RGS7: variants seen among roughly 807,000 people sequenced by gnomAD.
The protein encoded by RGS7 is regulator of G protein signaling 7.
A neutral mutation model predicts 81.1 loss-of-function variants in RGS7; 27 were observed. The ratio of observed to expected loss-of-function variants is 0.33; its 90% confidence interval spans 0.25 to 0.46. The LOEUF is 0.46. Among genes scored for constraint, RGS7 ranks in the 20% least tolerant of loss-of-function variants. The pLI is 1.00. For synonymous variants in RGS7, 208 were observed against 207.7 expected, an observed-to-expected ratio of 1.00 and a Z score of -0.01; for missense variants, 396 against 607.4, an observed-to-expected ratio of 0.65 and a Z score of 3.66.
intron 4 of RGS7, among the ~76,000 whole-genome samples, chr1:240,941,003 A>G (rs1239675997): frequency 2.6e-5 from 4 of 152,170 alleles, no homozygotes; most frequent in African/African-American, 7.2e-5. Context: ...TTTGAGGTAC[A>G]ATATTTTCAT....
At chr1:241,168,614 T>G (rs1239505351) in intron 2 of RGS7, among the ~76,000 whole-genome samples, 2 of 152,122 alleles carry the variant, frequency 1.3e-5, no homozygotes, top group Non-Finnish European at 2.9e-5. Context: ...TTGGGGGATT[T>G]TGCAGATTTT....
chr1:240,878,489 C>CTTTTTTTTTTTTTTTTTTTTTTTTTTT (rs57896753), intron 6 of RGS7, among the ~76,000 whole-genome samples: 4 of 117,570 alleles, frequency 3.4e-5, no homozygotes, highest in East Asian at 2.5e-4. Flanking sequence ...TTTTTTCTTT[C>CTTTTTTTTTTTTTTTTTTTTTTTTTTT]TTTTTTTTTT....
At chr1:241,301,410 T>C (rs1386612483) in intron 2 of RGS7, among the ~76,000 whole-genome samples, 1 of 152,228 alleles carries the variant, frequency 6.6e-6, no homozygotes, top group Non-Finnish European at 1.5e-5. Context: ...CAGTGTTTGC[T>C]TGAAAGTCCA....
chr1:241,292,008 A>G (rs1573532517), intron 2 of RGS7, among the ~76,000 whole-genome samples: 2 of 152,120 alleles, frequency 1.3e-5, no homozygotes, highest in Non-Finnish European at 2.9e-5. Flanking sequence ...CTTAAAAACT[A>G]AGAGACAGAT....
rs1486369467 is a variant in RGS7, at chr1:240,872,626, G to A, written c.386-2507C>T. 1.8e-4 allele frequency among the ~76,000 whole-genome samples: 28 copies of A among 152,122 alleles called. 2 individuals are homozygous for A. Among genetic ancestry groups the A allele is most frequent in the Admixed American group, 1.5e-3 (23 of 15,270 alleles). On this transcript the variant is annotated intron_variant, in intron 6 of 18. Transcript: ENST00000440928. The stretch of plus-strand genomic sequence containing the variant: ...AGACACAGTTGCTGTATGATGACAG[G>A]TACAGATAATACTTTTTATTCTTTA...
At chr1:241,273,925 T>G (rs1051621089) in intron 2 of RGS7, among the ~76,000 whole-genome samples, 4 of 152,120 alleles carry the variant, frequency 2.6e-5, no homozygotes, top group African/African-American at 9.7e-5. Flanking sequence ...TGTCTGGAGC[T>G]CCTTGAGATT....
intron 2 of RGS7, among the ~76,000 whole-genome samples, chr1:241,103,974 A>T (rs1279783262): frequency 6.6e-6 from 1 of 152,252 alleles, no homozygotes; most frequent in Non-Finnish European, 1.5e-5. Context: ...TAGTTATTAA[A>T]AGCATGCATT....
chr1:241,149,500 C>A (rs2068594483), intron 2 of RGS7, among the ~76,000 whole-genome samples: 1 of 152,112 alleles, frequency 6.6e-6, no homozygotes, highest in African/African-American at 2.4e-5. Flanking sequence ...CTGGCTTTAT[C>A]ATGCCACTCC....
At chr1:240,789,267 G>A (rs542834580) in intron 18 of RGS7, among the ~76,000 whole-genome samples, 31 of 152,284 alleles carry the variant, frequency 2.0e-4, no homozygotes, top group East Asian at 5.8e-4. Context: ...ATCTTCATAA[G>A]CTGAGGAGGA....
In RGS7 at chr1:241,175,612, AGAGGGCACTAG is replaced by A. The variant is rs568869834; in HGVS notation, c.79-76861_79-76851del. 1.4e-4 allele frequency among the ~76,000 whole-genome samples: 22 copies of A among 152,338 alleles called. No individual in the cohort carries two copies. The East Asian group carries it at 4.2e-3, about 29-fold the overall frequency. ...TAGCCAGACCATGATAAATACCATA[AGAGGGCACTAG>A]GAAAATACAAGCATTCACAGAAAGG... On this transcript the variant is annotated intron_variant, in intron 2 of 18. Coordinates refer to ENST00000440928, the MANE Select transcript of RGS7 (RefSeq NM_001364886.1).
At chr1:240,955,408 C>T (rs922496510) in intron 4 of RGS7, among the ~76,000 whole-genome samples, 5 of 151,874 alleles carry the variant, frequency 3.3e-5, no homozygotes, top group African/African-American at 9.7e-5. Flanking sequence ...AAAAATTAGC[C>T]AGACATGGTG....
chr1:241,271,768 GGTTCTCAGGACTCTGGAAT>G lies in RGS7; in HGVS notation c.78+83912_78+83930del, dbSNP rs2077909281. Among the ~76,000 whole-genome samples the G allele has an allele frequency of 6.6e-6, 1 of 152,026 alleles. No individual in the cohort carries two copies. Among genetic ancestry groups the G allele is most frequent in the Non-Finnish European group, 1.5e-5 (1 of 68,010 alleles). On this transcript the variant is annotated intron_variant, in intron 2 of 18. Coordinates refer to ENST00000440928, the MANE Select transcript of RGS7 (RefSeq NM_001364886.1). This position sits in a 1 kb window ranked among gnomAD's most constrained non-coding sequence, Gnocchi z 4.6. ...TGGGATTTACACCAGCATCATTTCT[GGTTCTCAGGACTCTGGAAT>G]CAGACTAATTACACCACCAACTTCC...
chr1:241,097,813 G>GCGGGGGTTCC (rs1483911662), intron 3 of RGS7, among the ~76,000 whole-genome samples: 2 of 152,126 alleles, frequency 1.3e-5, no homozygotes, highest in Admixed American at 1.3e-4. Flanking sequence ...AATCAAACCC[G>GCGGGGGTTCC]CGGGGGTTCC....
chr1:241,211,855 A>G (rs2074260416), intron 2 of RGS7, among the ~76,000 whole-genome samples: 1 of 152,200 alleles, frequency 6.6e-6, no homozygotes, highest in South Asian at 2.1e-4. Flanking sequence ...AAACAATTTT[A>G]TTTTTCACAA....
chr1:241,081,234 A>G (rs889969646), intron 3 of RGS7, among the ~76,000 whole-genome samples: 3 of 152,076 alleles, frequency 2.0e-5, no homozygotes, highest in Non-Finnish European at 1.5e-5. Flanking sequence ...ACATATCTCA[A>G]TGTTCTCATC....
intron 18 of RGS7, among the ~76,000 whole-genome samples, chr1:240,781,626 C>T (rs1166922899): frequency 6.6e-6 from 1 of 152,044 alleles, no homozygotes; most frequent in Non-Finnish European, 1.5e-5. Context: ...CAAACAAAAC[C>T]TCTGTGTGTG....
chr1:241,335,840 C>T (rs983485135), intron 2 of RGS7, among the ~76,000 whole-genome samples: 1 of 152,110 alleles, frequency 6.6e-6, no homozygotes, highest in Non-Finnish European at 1.5e-5. Flanking sequence ...AATTTTTCAA[C>T]ATCAATATGG....
At chr1:241,302,378 T>C (rs2079822859) in intron 2 of RGS7, among the ~76,000 whole-genome samples, 1 of 152,074 alleles carries the variant, frequency 6.6e-6, no homozygotes, top group African/African-American at 2.4e-5. Flanking sequence ...TGAAACCCCG[T>C]TTCTACTAAA....
chr1:240,857,679 G>T (rs1661395549), intron 9 of RGS7, among the ~76,000 whole-genome samples: 1 of 151,904 alleles, frequency 6.6e-6, no homozygotes, highest in African/African-American at 2.4e-5. Context: ...TGCATTTAAA[G>T]TCCTTCCATG....
Sources: allele counts gnomAD v4.1 joint callset (sites outside exome capture counted in the v4.1 genomes callset), GRCh38; gene constraint gnomAD v4.1.1; non-coding constraint Gnocchi (gnomAD v3.1); transcripts MANE v1.5; gene names NCBI Gene and HGNC (gene_info 2026-07-23, HGNC 2026-07-21).